The following CDC14A variants were observed in gnomAD, a reference collection of about 807,000 sequenced individuals.
CDC14A encodes the protein cell division cycle 14A.
In CDC14A, 53 loss-of-function variants were observed where a neutral mutation model predicts 74.4. The ratio of observed to expected loss-of-function variants is 0.71; its 90% confidence interval spans 0.57 to 0.89. CDC14A has a LOEUF of 0.89. Ranked by LOEUF, CDC14A falls within the 40% of genes least tolerant of loss-of-function variation. The probability of loss-of-function intolerance (pLI) is 0.00; values close to 1 mark genes in which losing one functional copy is unlikely to be tolerated. For synonymous variants in CDC14A, 247 were observed against 258.4 expected (o/e 0.96, Z 0.43); for missense variants, 646 against 713.7 (o/e 0.91, Z 1.08).
chr1:100,433,096 T>G (rs561520493), intron 5 of CDC14A, among the ~76,000 whole-genome samples: 2 of 151,942 alleles, frequency 1.3e-5, no homozygotes, highest in Non-Finnish European at 2.9e-5. Flanking sequence ...TCCAGGCTAG[T>G]CTCAAACTAC....
chr1:100,406,968 A>G (rs112528500), intron 4 of CDC14A, among the ~76,000 whole-genome samples: 1 of 150,086 alleles, frequency 6.7e-6, no homozygotes, highest in East Asian at 1.9e-4. Flanking sequence ...TCCTTTCTCC[A>G]TTGCTTGCTT....
At chr1:100,474,587 C>T (rs1668706752) in intron 10 of CDC14A, among the ~76,000 whole-genome samples, 1 of 144,530 alleles carries the variant, frequency 6.9e-6, no homozygotes, top group African/African-American at 2.5e-5. Context: ...TCTAAATTGT[C>T]AAAATTATGT....
At chr1:100,413,046 A>C (rs1353883379) in intron 4 of CDC14A, among the ~76,000 whole-genome samples, 1 of 151,624 alleles carries the variant, frequency 6.6e-6, no homozygotes, top group Non-Finnish European at 1.5e-5. Flanking sequence ...GACAAGAGCG[A>C]AACTGTCAAA....
chr1:100,461,260 A>G (rs574144462), intron 8 of CDC14A, among the ~76,000 whole-genome samples: 1 of 152,270 alleles, frequency 6.6e-6, no homozygotes, highest in African/African-American at 2.4e-5. Context: ...TTTTACAACC[A>G]ATAGGAAGCC....
At chr1:100,515,747 A>G (rs543493799) in intron 15 of CDC14A, among the ~76,000 whole-genome samples, 1 of 152,208 alleles carries the variant, frequency 6.6e-6, no homozygotes, top group Non-Finnish European at 1.5e-5. Context: ...ATTTGTTACA[A>G]AATACTGATG....
chr1:100,412,713 T>TATATAAA (rs1660926064), intron 4 of CDC14A, among the ~76,000 whole-genome samples: 1 of 102,266 alleles, frequency 9.8e-6, no homozygotes, highest in Non-Finnish European at 1.8e-5. Flanking sequence ...TATATATATA[T>TATATAAA]ATATATATAT....
intron 14 of CDC14A, 118 bp downstream of exon 14, chr1:100,498,325 C>T (rs1230564609): frequency 1.2e-5 from 14 of 1,124,026 alleles, no homozygotes; most frequent in Non-Finnish European, 1.7e-5. Context: ...GGAGAAACCA[C>T]GGAAGACCCT....
intron 13 of CDC14A, among the ~76,000 whole-genome samples, chr1:100,496,782 C>A (rs1454117016): frequency 2.0e-5 from 3 of 152,166 alleles, no homozygotes; most frequent in African/African-American, 7.2e-5. Context: ...GCTTAAGCTG[C>A]TGTTTGGTGG....
At chr1:100,397,409 G>A (rs1270882685) in intron 4 of CDC14A, among the ~76,000 whole-genome samples, 2 of 152,188 alleles carry the variant, frequency 1.3e-5, no homozygotes, top group African/African-American at 2.4e-5. Flanking sequence ...AGGATGTTTA[G>A]ATCATTGTAG....
intron 2 of CDC14A, among the ~76,000 whole-genome samples, chr1:100,355,877 AATACAACCTCT>A (rs1432453480): frequency 6.6e-6 from 1 of 152,236 alleles, no homozygotes; most frequent in African/African-American, 2.4e-5. Flanking sequence ...CCCAAAGAGA[AATACAACCTCT>A]ATGCTAGGAG....
intron 4 of CDC14A, among the ~76,000 whole-genome samples, chr1:100,408,326 A>G (rs1047586831): frequency 2.6e-5 from 4 of 152,190 alleles, no homozygotes; most frequent in African/African-American, 9.7e-5. Flanking sequence ...ATTGATGGGT[A>G]TTTAGGTTGA....
intron 2 of CDC14A, among the ~76,000 whole-genome samples, chr1:100,371,906 G>A (rs1261833144): frequency 6.6e-6 from 1 of 152,112 alleles, no homozygotes; most frequent in Non-Finnish European, 1.5e-5. Context: ...TTAGAAAAAA[G>A]GTTACCTTAA....
chr1:100,402,597 A>G (rs1035815395), intron 4 of CDC14A, among the ~76,000 whole-genome samples: 6 of 152,170 alleles, frequency 3.9e-5, no homozygotes, highest in Admixed American at 1.3e-4. Flanking sequence ...TCCACAGAAC[A>G]CTCACTAGGA....
At chr1:100,400,740 A>G (rs1000718940) in intron 4 of CDC14A, among the ~76,000 whole-genome samples, 1 of 152,200 alleles carries the variant, frequency 6.6e-6, no homozygotes, top group Non-Finnish European at 1.5e-5. Flanking sequence ...AGCCTTCTGC[A>G]TATGGGTAGA....
intron 4 of CDC14A, among the ~76,000 whole-genome samples, chr1:100,392,511 C>G (rs1328450315): frequency 6.6e-6 from 1 of 150,542 alleles, no homozygotes; most frequent in Admixed American, 6.6e-5. Flanking sequence ...TCTGGTTTAT[C>G]TACCCAAAGT....
At chr1:100,436,029 A>G (rs546820963) in intron 5 of CDC14A, among the ~76,000 whole-genome samples, 49 of 152,252 alleles carry the variant, frequency 3.2e-4, no homozygotes, top group Admixed American at 3.3e-4. Flanking sequence ...AGAGATGACC[A>G]ATGGTGTTGT....
At position 100,450,174 on chromosome 1, in the gene CDC14A, G is replaced by T. The variant is rs760651384; in HGVS notation, c.520-5231G>T. On this transcript the variant is annotated intron_variant, in intron 7 of 15. Transcript: ENST00000336454. The stretch of plus-strand genomic sequence containing the variant: ...CACTGCATAAGTAAATTTTCAGATT[G>T]ACCAGGTGGTGTAGAGTCCTAACAA... Among the ~76,000 whole-genome samples, 6 of 152,196 alleles carry T rather than the reference G, an allele frequency of 3.9e-5. No individual in the cohort carries two copies. The South Asian group carries it at 8.3e-4, about 21-fold the overall frequency.
intron 3 of CDC14A, among the ~76,000 whole-genome samples, chr1:100,384,457 C>A (rs1473297480): frequency 6.6e-6 from 1 of 152,140 alleles, no homozygotes; most frequent in Admixed American, 6.5e-5. Context: ...TAAATGCATC[C>A]TATACAGTTA....
intron 4 of CDC14A, among the ~76,000 whole-genome samples, chr1:100,420,063 C>CACACACACACATATATAT: frequency 9.7e-5 from 6 of 61,564 alleles, no homozygotes; most frequent in East Asian, 5.4e-4. Flanking sequence ...CACACACACA[C>CACACACACACATATATAT]ATATATATAT....
Sources: gnomAD v4.1 joint callset for allele counts (sites outside exome capture counted in the v4.1 genomes callset) on GRCh38, gnomAD v4.1.1 for gene constraint, MANE v1.5 for transcripts, NCBI Gene and HGNC (gene_info 2026-07-23, HGNC 2026-07-21) for gene names.